MAGI2: variants seen among roughly 807,000 people sequenced by gnomAD.
MAGI2 encodes membrane associated guanylate kinase, WW and PDZ domain containing 2, also known as membrane-associated guanylate kinase, WW and PDZ domain-containing protein 2.
MAGI2 carries 35 observed loss-of-function variants against 133.3 expected under a neutral mutation model. That is an observed-to-expected ratio of 0.26 (90% CI 0.20 to 0.35). MAGI2 has a LOEUF of 0.35. Ranked by LOEUF, MAGI2 falls within the 10% of genes least tolerant of loss-of-function variation. The pLI is 1.00. For missense variants in MAGI2, 1,636 were observed against 1,863.4 expected (o/e 0.88, Z 2.25); for synonymous variants, 729 against 710.6 (o/e 1.03, Z -0.41).
At chr7:79,259,337 G>A (rs1833916158) in intron 1 of MAGI2, among the ~76,000 whole-genome samples, 1 of 152,124 alleles carries the variant, frequency 6.6e-6, no homozygotes, top group Non-Finnish European at 1.5e-5. Flanking sequence ...GCACCTTATA[G>A]ATCTTAGAGG....
intron 2 of MAGI2, among the ~76,000 whole-genome samples, chr7:78,912,755 A>G (rs1798497995): frequency 6.8e-6 from 1 of 147,616 alleles, no homozygotes; most frequent in Admixed American, 6.8e-5. Flanking sequence ...ATTCATATAT[A>G]TATATATCAT....
intron 4 of MAGI2, among the ~76,000 whole-genome samples, chr7:78,508,245 G>A (rs76393574): frequency 0.018 from 2,750 of 151,832 alleles, 80 homozygotes; most frequent in African/African-American, 0.063. Flanking sequence ...TGAGATACTG[G>A]GGGTTTGGAC....
intron 10 of MAGI2, among the ~76,000 whole-genome samples, chr7:78,249,784 A>G (rs1792194468): frequency 6.6e-6 from 1 of 152,030 alleles, no homozygotes; most frequent in South Asian, 2.1e-4. Flanking sequence ...CCTGTGTCCT[A>G]TTGCACATTA....
intron 3 of MAGI2, among the ~76,000 whole-genome samples, chr7:78,603,256 T>C (rs1318271880): frequency 6.6e-6 from 1 of 152,236 alleles, no homozygotes; most frequent in Admixed American, 6.5e-5. Context: ...TTCTTGTACA[T>C]AATTAGCTTA....
At chr7:78,977,606 A>T (rs2116111618) in intron 2 of MAGI2, among the ~76,000 whole-genome samples, 1 of 151,934 alleles carries the variant, frequency 6.6e-6, no homozygotes, top group African/African-American at 2.4e-5. Flanking sequence ...ATTGAAAAAC[A>T]GGAGGAAATC....
intron 6 of MAGI2, among the ~76,000 whole-genome samples, chr7:78,380,778 T>G (rs542111559): frequency 6.6e-6 from 1 of 152,290 alleles, no homozygotes; most frequent in East Asian, 1.9e-4. Context: ...CTTGAAGGGT[T>G]GGATATCCCG....
chr7:79,374,427 T>C (rs1166515643), intron 1 of MAGI2, among the ~76,000 whole-genome samples: 3 of 151,744 alleles, frequency 2.0e-5, no homozygotes, highest in African/African-American at 4.8e-5. Context: ...GAAGCTGATA[T>C]AGAGGCCTGG....
chr7:78,644,673 T>A (rs1810660164), intron 2 of MAGI2, among the ~76,000 whole-genome samples: 1 of 152,122 alleles, frequency 6.6e-6, no homozygotes, highest in African/African-American at 2.4e-5. Flanking sequence ...AATGTTTAAC[T>A]CGAAATACTT....
intron 2 of MAGI2, among the ~76,000 whole-genome samples, chr7:78,758,162 C>G (rs992572962): frequency 1.3e-5 from 2 of 152,086 alleles, no homozygotes; most frequent in African/African-American, 2.4e-5. Flanking sequence ...TTATTTTCCT[C>G]TTAGTAGTGA....
chr7:78,070,645 T>TA (rs1491196620), intron 21 of MAGI2, among the ~76,000 whole-genome samples: 7,003 of 41,306 alleles, frequency 0.17, 472 homozygotes, highest in East Asian at 0.41. Context: ...TATATATATA[T>TA]TTTTTTTTTT....
chr7:78,564,284 T>C (rs1045823110), intron 3 of MAGI2, among the ~76,000 whole-genome samples: 10 of 152,208 alleles, frequency 6.6e-5, no homozygotes, highest in African/African-American at 2.4e-4. Context: ...ATTAATCTGA[T>C]TTAATCTGTC....
intron 21 of MAGI2, among the ~76,000 whole-genome samples, chr7:78,068,973 G>C (rs1209708180): frequency 6.6e-6 from 1 of 152,216 alleles, no homozygotes; most frequent in Non-Finnish European, 1.5e-5. Flanking sequence ...AGGTCCAGCT[G>C]AGAGGTTCGA....
intron 5 of MAGI2, among the ~76,000 whole-genome samples, chr7:78,497,957 TCAG>T (rs1344296588): frequency 1.7e-4 from 26 of 152,210 alleles, no homozygotes; most frequent in Non-Finnish European, 5.9e-5. Context: ...TTTACTGATG[TCAG>T]CACTTCTTCC....
chr7:78,737,474 G>A (rs1821976057), intron 2 of MAGI2, among the ~76,000 whole-genome samples: 1 of 152,022 alleles, frequency 6.6e-6, no homozygotes, highest in African/African-American at 2.4e-5. Context: ...TCAAAGTTTT[G>A]GTGTAGCATT....
intron 10 of MAGI2, among the ~76,000 whole-genome samples, chr7:78,204,150 T>C (rs999980517): frequency 6.6e-6 from 1 of 152,240 alleles, no homozygotes; most frequent in Non-Finnish European, 1.5e-5. Flanking sequence ...TGTGGTGAAT[T>C]TCCACACTCC....
chr7:78,907,897 A>G (rs188567189), intron 2 of MAGI2, among the ~76,000 whole-genome samples: 1 of 152,348 alleles, frequency 6.6e-6, no homozygotes, highest in Admixed American at 6.5e-5. Flanking sequence ...ATATTTAACT[A>G]TTTAAAGCAC....
chr7:78,731,792 A>C (rs1302501683), intron 2 of MAGI2, among the ~76,000 whole-genome samples: 1 of 152,134 alleles, frequency 6.6e-6, no homozygotes, highest in Non-Finnish European at 1.5e-5. Flanking sequence ...CTGTATATCT[A>C]TGGATTTAAG....
chr7:79,072,957 C>T (rs1441871901), intron 1 of MAGI2, among the ~76,000 whole-genome samples: 1 of 152,122 alleles, frequency 6.6e-6, no homozygotes, highest in African/African-American at 2.4e-5. Context: ...ATCCCTAAAT[C>T]ACAGTAGCAC....
chr7:78,878,886 T>A (rs1446408284), intron 2 of MAGI2, among the ~76,000 whole-genome samples: 1 of 152,154 alleles, frequency 6.6e-6, no homozygotes, highest in Non-Finnish European at 1.5e-5. Context: ...AGCAGGGCCC[T>A]CTCCATGCCA....
Sources: allele counts gnomAD v4.1 joint callset (sites outside exome capture counted in the v4.1 genomes callset), GRCh38; gene constraint gnomAD v4.1.1; transcripts MANE v1.5; gene names NCBI Gene and HGNC (gene_info 2026-07-23, HGNC 2026-07-21).